AKAP19: variants seen among roughly 807,000 people sequenced by gnomAD.
AKAP19 encodes small A-kinase anchoring protein.
the AKAP19 span, among the ~76,000 whole-genome samples, chr2:190,059,093 C>A: frequency 1.3e-5 from 2 of 151,622 alleles, no homozygotes; most frequent in Non-Finnish European, 2.9e-5. Context: ...TAGAGTAGAT[C>A]TGATCTGCTA....
At chr2:189,977,154 T>C in the AKAP19 span, among the ~76,000 whole-genome samples, 1 of 152,218 alleles carries the variant, frequency 6.6e-6, no homozygotes, top group South Asian at 2.1e-4. Context: ...CTTGATAAAT[T>C]GCTTTTTATC....
chr2:190,082,644 A>G, the AKAP19 span, among the ~76,000 whole-genome samples: 1 of 152,224 alleles, frequency 6.6e-6, no homozygotes. Context: ...GTAATGTGCT[A>G]GATGTTTTAC....
the AKAP19 span, among the ~76,000 whole-genome samples, chr2:189,955,107 C>T: frequency 6.6e-6 from 1 of 152,096 alleles, no homozygotes; most frequent in African/African-American, 2.4e-5. Context: ...CCCACCCTCC[C>T]ACCTTTTGGA....
chr2:190,162,891 A>G, the AKAP19 span, among the ~76,000 whole-genome samples: 4 of 152,212 alleles, frequency 2.6e-5, no homozygotes, highest in Admixed American at 6.5e-5. Context: ...ATTTGTCTAG[A>G]TATTTGAGAG....
chr2:190,038,901 TTTC>T, the AKAP19 span, among the ~76,000 whole-genome samples: 404 of 45,950 alleles, frequency 8.8e-3, 4 homozygotes, highest in African/African-American at 0.01. Context: ...TCTTTCTTTC[TTTC>T]TTCTTCTTCT....
chr2:189,917,846 A>AT, the AKAP19 span: 2 of 150,942 alleles, frequency 1.3e-5, no homozygotes, highest in Non-Finnish European at 3.0e-5. Context: ...GTCATTTTAG[A>AT]TTTTTTCTGT....
At chr2:189,986,783 A>T in the AKAP19 span, among the ~76,000 whole-genome samples, 26 of 152,176 alleles carry the variant, frequency 1.7e-4, no homozygotes, top group Admixed American at 1.6e-3. Context: ...ATTATAAGAA[A>T]TAGCATGAGA....
the AKAP19 span, chr2:190,200,022 C>CAATACTGTGATCTTGGAATA: frequency 1.4e-5 from 22 of 1,613,896 alleles, no homozygotes; most frequent in Admixed American, 3.5e-4. Flanking sequence ...CTCCAGGGAC[C>CAATACTGTGATCTTGGAATA]AATACTGTGA....
At chr2:190,007,790 T>G in the AKAP19 span, among the ~76,000 whole-genome samples, 5,244 of 151,990 alleles carry the variant, frequency 0.035, 286 homozygotes, top group African/African-American at 0.12. Context: ...GTGAAACCCT[T>G]TCTCTACTAA....
the AKAP19 span, among the ~76,000 whole-genome samples, chr2:190,187,724 C>T: frequency 6.6e-6 from 1 of 152,060 alleles, no homozygotes; most frequent in African/African-American, 2.4e-5. Flanking sequence ...CATGGTGGCA[C>T]GTGCCTATAG....
At chr2:190,006,776 T>C in the AKAP19 span, among the ~76,000 whole-genome samples, 1 of 151,884 alleles carries the variant, frequency 6.6e-6, no homozygotes. Context: ...CCCAGCACTT[T>C]GGGAGGCCGA....
At chr2:189,967,750 G>T in the AKAP19 span, among the ~76,000 whole-genome samples, 1 of 151,138 alleles carries the variant, frequency 6.6e-6, no homozygotes, top group Non-Finnish European at 1.5e-5. Context: ...GGTGTTCAAT[G>T]GTATAGTGCA....
the AKAP19 span, among the ~76,000 whole-genome samples, chr2:189,900,684 C>T: frequency 2.6e-5 from 4 of 151,756 alleles, no homozygotes; most frequent in Non-Finnish European, 4.4e-5. Context: ...AACTTTGTCC[C>T]ATATGTTGTG....
At chr2:189,938,990 A>G in the AKAP19 span, among the ~76,000 whole-genome samples, 1 of 152,158 alleles carries the variant, frequency 6.6e-6, no homozygotes, top group Non-Finnish European at 1.5e-5. Flanking sequence ...CACTGGAAAA[A>G]GTGAGGTTGA....
chr2:189,940,121 T>C, the AKAP19 span, among the ~76,000 whole-genome samples: 3 of 151,956 alleles, frequency 2.0e-5, no homozygotes, highest in Non-Finnish European at 2.9e-5. Flanking sequence ...CCACTAAAAA[T>C]ACAAAAATTT....
At chr2:190,144,191 AAAAT>A in the AKAP19 span, among the ~76,000 whole-genome samples, 1 of 150,652 alleles carries the variant, frequency 6.6e-6, no homozygotes, top group East Asian at 1.9e-4. Context: ...GAAAAGAAAA[AAAAT>A]ATTAATAAAA....
At chr2:189,893,343 G>C in the AKAP19 span, among the ~76,000 whole-genome samples, 1 of 152,182 alleles carries the variant, frequency 6.6e-6, no homozygotes, top group African/African-American at 2.4e-5. Context: ...CAGGGCCCTG[G>C]TGGCGTAGGC....
chr2:190,192,452 C>CTCTGTGTG, the AKAP19 span, among the ~76,000 whole-genome samples: 2 of 145,358 alleles, frequency 1.4e-5, no homozygotes, highest in South Asian at 2.2e-4. Flanking sequence ...AATTCAGAAT[C>CTCTGTGTG]TGTGTGTGTG....
chr2:190,066,378 C>T, the AKAP19 span, among the ~76,000 whole-genome samples: 5 of 151,876 alleles, frequency 3.3e-5, no homozygotes, highest in African/African-American at 9.7e-5. Context: ...AAAGACTTGC[C>T]GGAAGTTTAA....
Sources: gnomAD v4.1 joint callset for allele counts (sites outside exome capture counted in the v4.1 genomes callset) on GRCh38, gnomAD v4.1.1 for gene constraint, MANE v1.5 for transcripts, NCBI Gene and HGNC (gene_info 2026-07-23, HGNC 2026-07-21) for gene names.